The following CLVS1 variants were observed in gnomAD, a reference collection of about 807,000 sequenced individuals.
CLVS1 encodes clavesin-1.
In CLVS1, 10 loss-of-function variants were observed where a neutral mutation model predicts 33.1. The observed-to-expected ratio is 0.30, with a 90% CI of 0.19 to 0.51. The LOEUF (loss-of-function observed/expected upper bound fraction) is 0.51. CLVS1 is among the 20% of genes least tolerant of loss of function. The pLI is 0.97. For synonymous variants in CLVS1, 163 were observed against 166.1 expected (o/e 0.98, Z 0.14); for missense variants, 343 against 433.4 (o/e 0.79, Z 1.85).
chr8:61,420,584 AG>A (rs1815620199), intron 3 of CLVS1, among the ~76,000 whole-genome samples: 1 of 152,012 alleles, frequency 6.6e-6, no homozygotes, highest in African/African-American at 2.4e-5. Context: ...CCTGGGCAAC[AG>A]AGCGAGATTC....
intron 2 of CLVS1, among the ~76,000 whole-genome samples, chr8:61,305,808 AT>A (rs1250435579): frequency 1.3e-4 from 19 of 151,922 alleles, no homozygotes; most frequent in Admixed American, 1.2e-3. Flanking sequence ...GAAATGTGGT[AT>A]TTGGTTTTTT....
At chr8:61,231,238 C>G (rs1001760250) in intron 2 of CLVS1, among the ~76,000 whole-genome samples, 1 of 152,076 alleles carries the variant, frequency 6.6e-6, no homozygotes, top group Non-Finnish European at 1.5e-5. Context: ...AGGTTAAACA[C>G]CCTCCAGTCT....
At chr8:61,295,682 T>A (rs1055637390) in intron 1 of CLVS1, among the ~76,000 whole-genome samples, 1 of 152,148 alleles carries the variant, frequency 6.6e-6, no homozygotes, top group Non-Finnish European at 1.5e-5. Flanking sequence ...CAGGGCAGCA[T>A]AACAGTAAAG....
At chr8:61,344,603 G>T (rs1812139448) in intron 2 of CLVS1, among the ~76,000 whole-genome samples, 2 of 152,178 alleles carry the variant, frequency 1.3e-5, no homozygotes, top group Admixed American at 6.5e-5. Flanking sequence ...ATTCTGGCAT[G>T]TGGCTGTATA....
intron 2 of CLVS1, among the ~76,000 whole-genome samples, chr8:61,302,826 T>C (rs182547675): frequency 1.9e-4 from 29 of 152,260 alleles, no homozygotes; most frequent in African/African-American, 6.5e-4. Flanking sequence ...TCAGGAAACT[T>C]ATAATCATGG....
the CLVS1 span, among the ~76,000 whole-genome samples, chr8:60,987,617 T>A: frequency 6.6e-6 from 1 of 152,156 alleles, no homozygotes; most frequent in African/African-American, 2.4e-5. Flanking sequence ...ATTTCCTCAT[T>A]TATGAAAAAA....
At chr8:61,124,566 A>G (rs543661482) in intron 1 of CLVS1, among the ~76,000 whole-genome samples, 16 of 152,258 alleles carry the variant, frequency 1.1e-4, no homozygotes, top group Non-Finnish European at 1.9e-4. Context: ...CTAAACCACA[A>G]TGTATTATCG....
At chr8:61,034,651 A>T in the CLVS1 span, among the ~76,000 whole-genome samples, 2 of 152,144 alleles carry the variant, frequency 1.3e-5, no homozygotes, top group African/African-American at 4.8e-5. Context: ...GATCTTGCTT[A>T]TGTAATTTGG....
At chr8:61,373,229 G>A (rs1391663548) in intron 2 of CLVS1, among the ~76,000 whole-genome samples, 1 of 152,148 alleles carries the variant, frequency 6.6e-6, no homozygotes, top group South Asian at 2.1e-4. Flanking sequence ...TGCAGCTAAG[G>A]TAAGAGGTAG....
intron 1 of CLVS1, among the ~76,000 whole-genome samples, chr8:61,097,302 A>T (rs573826646): frequency 3.9e-5 from 6 of 151,908 alleles, no homozygotes; most frequent in South Asian, 4.1e-4. Flanking sequence ...AAAAAAAAAT[A>T]AAAAAATTAA....
chr8:61,191,353 T>C (rs1807471256), intron 2 of CLVS1, among the ~76,000 whole-genome samples: 1 of 152,138 alleles, frequency 6.6e-6, no homozygotes, highest in Non-Finnish European at 1.5e-5. Flanking sequence ...TCTCAATAAA[T>C]TAGGCATTGA....
rs1308787833 is a variant in CLVS1 at position 61,356,258 on chromosome 8, GTTGT to G, written c.456-20340_456-20337del. ...TATCCTTCACCCAGTTTTTGATGGG[GTTGT>G]TTGTTTTTTTCTTGTAAATTTGTTT... On this transcript the variant is annotated intron_variant, in intron 2 of 5. Coordinates refer to ENST00000325897, the MANE Select transcript of CLVS1 (RefSeq NM_173519.3). 3.9e-5 allele frequency among the ~76,000 whole-genome samples: 6 copies of G among 152,228 alleles called. No individual in the cohort carries two copies. The South Asian group carries it at 1.0e-3, about 26-fold the overall frequency.
chr8:61,187,457 T>A (rs1807364962), intron 2 of CLVS1, among the ~76,000 whole-genome samples: 1 of 152,236 alleles, frequency 6.6e-6, no homozygotes, highest in African/African-American at 2.4e-5. Flanking sequence ...AGTCATTTAA[T>A]GTGATAATAA....
chr8:61,483,207 A>G (rs2129608271), intron 5 of CLVS1, among the ~76,000 whole-genome samples: 1 of 152,326 alleles, frequency 6.6e-6, no homozygotes, highest in Non-Finnish European at 1.5e-5. Context: ...AGACTAATAA[A>G]GAAGAAAAGA....
intron 5 of CLVS1, among the ~76,000 whole-genome samples, chr8:61,474,671 G>A (rs1272827003): frequency 8.5e-5 from 13 of 152,176 alleles, no homozygotes; most frequent in Admixed American, 8.5e-4. Flanking sequence ...GAGCCTGAGT[G>A]GAGGAAGTTG....
chr8:61,385,928 A>G (rs886692830), intron 3 of CLVS1, among the ~76,000 whole-genome samples: 1 of 152,206 alleles, frequency 6.6e-6, no homozygotes, highest in African/African-American at 2.4e-5. Flanking sequence ...AATGACAAGC[A>G]TTTCCAATTA....
chr8:61,135,539 GAA>G (rs1563416069), intron 2 of CLVS1, among the ~76,000 whole-genome samples: 2 of 152,198 alleles, frequency 1.3e-5, no homozygotes, highest in Non-Finnish European at 1.5e-5. Flanking sequence ...GTAAGGGAGA[GAA>G]GAGAGAGAGT....
At chr8:60,990,865 C>G in the CLVS1 span, among the ~76,000 whole-genome samples, 1 of 152,132 alleles carries the variant, frequency 6.6e-6, no homozygotes, top group South Asian at 2.1e-4. Flanking sequence ...CCCACCACCA[C>G]GCTTGGCTAA....
chr8:61,187,600 G>A (rs1211879737), intron 2 of CLVS1, among the ~76,000 whole-genome samples: 2 of 151,572 alleles, frequency 1.3e-5, no homozygotes, highest in Non-Finnish European at 2.9e-5. Context: ...CAGAAGGCCA[G>A]GATTTTGAAC....
Sources: gnomAD v4.1 joint callset for allele counts (sites outside exome capture counted in the v4.1 genomes callset) on GRCh38, gnomAD v4.1.1 for gene constraint, MANE v1.5 for transcripts, NCBI Gene and HGNC (gene_info 2026-07-23, HGNC 2026-07-21) for gene names.